SUMF1: variants seen among roughly 807,000 people sequenced by gnomAD.
SUMF1 encodes formylglycine-generating enzyme.
A neutral mutation model predicts 47.6 loss-of-function variants in SUMF1; 48 were observed. That is an observed-to-expected ratio of 1.01 (90% CI 0.80 to 1.28). The LOEUF (loss-of-function observed/expected upper bound fraction) is 1.28, where lower values mean the gene tolerates loss of function less well. Among genes scored for constraint, SUMF1 ranks in the 50% most tolerant of loss-of-function variants. The probability of loss-of-function intolerance (pLI) is 0.00; values close to 1 mark genes in which losing one functional copy is unlikely to be tolerated. For missense variants in SUMF1, 571 were observed against 485.4 expected, an observed-to-expected ratio of 1.18 and a Z score of -1.66; for synonymous variants, 230 against 192.1, an observed-to-expected ratio of 1.20 and a Z score of -1.63.
At chr3:4,053,801 C>T (rs1242674775) in intron 9 of SUMF1, among the ~76,000 whole-genome samples, 1 of 152,078 alleles carries the variant, frequency 6.6e-6, no homozygotes, top group African/African-American at 2.4e-5. Context: ...CCGTCACTAC[C>T]TCGAGGTGAT....
chr3:4,240,178 T>A (rs313626), intron 8 of SUMF1, among the ~76,000 whole-genome samples: 100,993 of 152,056 alleles, frequency 0.66, 34,994 homozygotes, highest in African/African-American at 0.87. Flanking sequence ...GCCAGTATTT[T>A]ATTGAGGATT....
chr3:4,321,536 A>G (rs1356185226), intron 8 of SUMF1, among the ~76,000 whole-genome samples: 1 of 151,476 alleles, frequency 6.6e-6, no homozygotes, highest in African/African-American at 2.4e-5. Context: ...TCAAAGGAGT[A>G]TAGAAACAAA....
Position 4,141,281 on chromosome 3 carries a change from T to C in SUMF1, c.1015-72536A>G, listed in dbSNP as rs1229549900. Among the ~76,000 whole-genome samples, 2 of 152,142 alleles carry C rather than the reference T, an allele frequency of 1.3e-5. 1 individual carries two copies. Among genetic ancestry groups the C allele is most frequent in the African/African-American group, 4.8e-5 (2 of 41,414 alleles). On this transcript the variant is annotated intron_variant and NMD_transcript_variant, in intron 8 of 12. Coordinates refer to the SUMF1 transcript ENST00000448413. ...GGTAATCATCAATAAGCACTGTGCA[T>C]ACTGGAGTTAGGCATTTGTGTAAAC...
chr3:4,145,263 C>T (rs1445084062), intron 8 of SUMF1, among the ~76,000 whole-genome samples: 1 of 151,526 alleles, frequency 6.6e-6, no homozygotes, highest in African/African-American at 2.4e-5. Context: ...CAGACATCTC[C>T]GTTCATTGCT....
intron 8 of SUMF1, among the ~76,000 whole-genome samples, chr3:4,129,499 T>A (rs1293863758): frequency 6.6e-6 from 1 of 152,110 alleles, no homozygotes; most frequent in African/African-American, 2.4e-5. Flanking sequence ...CAGTGAATCA[T>A]GGCCCCTCAA....
rs759665640 is a variant in SUMF1, at chr3:4,452,863, C to T, written c.444+13G>A. 1.9e-6 allele frequency: 3 copies of T among 1,614,120 alleles called. No homozygotes were observed. In the South Asian group the frequency reaches 3.3e-5, roughly 18 times the overall value. On this transcript the variant is annotated intron_variant, in intron 2 of 8. Transcript: ENST00000272902. ...AAAGAACAAGTTCTCCCTCCTTTCC[C>T]CAATCCCATTACCTCTGTCAAATAG...
intron 8 of SUMF1, among the ~76,000 whole-genome samples, chr3:4,193,959 G>C (rs1415689074): frequency 6.6e-6 from 1 of 152,110 alleles, no homozygotes; most frequent in Admixed American, 6.6e-5. Context: ...TATTGGAATA[G>C]GCCACAATAC....
intron 8 of SUMF1, among the ~76,000 whole-genome samples, chr3:4,163,138 T>A (rs1694617058): frequency 6.6e-6 from 1 of 151,672 alleles, no homozygotes; most frequent in African/African-American, 2.4e-5. Context: ...AAAATCACTG[T>A]CTACTGCTAC....
intron 8 of SUMF1, among the ~76,000 whole-genome samples, chr3:4,322,769 C>G (rs1698864152): frequency 6.7e-6 from 1 of 149,554 alleles, no homozygotes. Flanking sequence ...TGTGCAACTA[C>G]TCTAAAGCAG....
At chr3:4,393,252 C>G (rs1475443513) in intron 7 of SUMF1, among the ~76,000 whole-genome samples, 1 of 152,126 alleles carries the variant, frequency 6.6e-6, no homozygotes, top group Admixed American at 6.6e-5. Flanking sequence ...GCTTTCAGTG[C>G]CCCCATCCTC....
chr3:4,326,083 A>C (rs1698938816), intron 8 of SUMF1, among the ~76,000 whole-genome samples: 1 of 152,182 alleles, frequency 6.6e-6, no homozygotes, highest in South Asian at 2.1e-4. Flanking sequence ...TGGCCTCCCA[A>C]AGTGCTGGGA....
intron 8 of SUMF1, among the ~76,000 whole-genome samples, chr3:4,347,318 C>A (rs2125149626): frequency 6.6e-6 from 1 of 152,318 alleles, no homozygotes; most frequent in South Asian, 2.1e-4. Context: ...AGCAGCACAT[C>A]AAACAACTTA....
At chr3:4,086,100 C>A (rs183969063) in intron 8 of SUMF1, among the ~76,000 whole-genome samples, 1 of 151,086 alleles carries the variant, frequency 6.6e-6, no homozygotes, top group South Asian at 2.1e-4. Flanking sequence ...ACACAGAGAA[C>A]ACAGAAACAA....
rs80151174 is a variant in SUMF1 at position 4,376,447 on chromosome 3, G to A, written c.955-58C>T. The A allele has an allele frequency of 2.4e-5, 37 of 1,568,750 alleles. No individual in the cohort carries two copies. The East Asian group carries it at 6.7e-4, about 28-fold the overall frequency. Reference sequence around the variant, plus strand: ...AGAAGGCAAAGCTGCCCCTTACACAGTGGGAGAGAATCCACTTTGATCCAA... The same window carrying A: ...AGAAGGCAAAGCTGCCCCTTACACAATGGGAGAGAATCCACTTTGATCCAA... On this transcript the variant is annotated intron_variant, in intron 7 of 8. Transcript: ENST00000272902.
At chr3:4,101,954 G>T (rs995514207) in intron 8 of SUMF1, among the ~76,000 whole-genome samples, 3 of 152,140 alleles carry the variant, frequency 2.0e-5, no homozygotes, top group Non-Finnish European at 2.9e-5. Context: ...CCTGTTCACA[G>T]AGTGGCAGAA....
At chr3:4,445,036 T>A (rs59124329) in intron 3 of SUMF1, among the ~76,000 whole-genome samples, 1 of 152,232 alleles carries the variant, frequency 6.6e-6, no homozygotes, top group South Asian at 2.1e-4. Context: ...GGGATGGGAA[T>A]CGGTAATGAC....
In SUMF1 at chr3:4,220,568, C is replaced by A. The variant is rs143734276; in HGVS notation, c.1015-151823G>T. Among the ~76,000 whole-genome samples, 3 of 152,152 alleles carry A rather than the reference C, an allele frequency of 2.0e-5. No homozygotes were observed. In the East Asian group the frequency reaches 5.8e-4, roughly 29 times the overall value. The stretch of plus-strand genomic sequence containing the variant: ...TCTCTTTCCATCTCTCTCTCCCTCC[C>A]TCCTTCCCTCCCTTAAATGGTGGTC... On this transcript the variant is annotated intron_variant and NMD_transcript_variant, in intron 8 of 12. Coordinates refer to the SUMF1 transcript ENST00000448413.
chr3:4,236,730 TCAATGAACCAA>T (rs1229327638), intron 8 of SUMF1, among the ~76,000 whole-genome samples: 1 of 152,152 alleles, frequency 6.6e-6, no homozygotes, highest in African/African-American at 2.4e-5. Context: ...TTTGTAACAA[TCAATGAACCAA>T]CATTGATACA....
At chr3:4,310,212 G>A (rs375970950) in intron 8 of SUMF1, among the ~76,000 whole-genome samples, 5 of 152,130 alleles carry the variant, frequency 3.3e-5, no homozygotes, top group South Asian at 4.1e-4. Flanking sequence ...GTTTAACCGC[G>A]TGGCATGTAA....
Sources: allele counts gnomAD v4.1 joint callset (sites outside exome capture counted in the v4.1 genomes callset), GRCh38; gene constraint gnomAD v4.1.1; transcripts MANE v1.5; gene names NCBI Gene and HGNC (gene_info 2026-07-23, HGNC 2026-07-21).